The following RALYL variants were observed in gnomAD, a reference collection of about 807,000 sequenced individuals.
RALYL encodes RNA-binding Raly-like protein.
A neutral mutation model predicts 35.1 loss-of-function variants in RALYL; 29 were observed. The ratio of observed to expected loss-of-function variants is 0.83; its 90% CI spans 0.61 to 1.13. The LOEUF (loss-of-function observed/expected upper bound fraction) is 1.13, where lower values mean the gene tolerates loss of function less well. Among genes scored for constraint, RALYL ranks in the 50% most tolerant of loss-of-function variants. The pLI is 0.00. For synonymous variants in RALYL, 120 were observed against 127.6 expected, an observed-to-expected ratio of 0.94 and a Z score of 0.40; for missense variants, 359 against 360.4, an observed-to-expected ratio of 1.00 and a Z score of 0.03.
At chr8:84,899,402 T>C (rs1845293936) in intron 8 of RALYL, among the ~76,000 whole-genome samples, 1 of 152,176 alleles carries the variant, frequency 6.6e-6, no homozygotes, top group Admixed American at 6.5e-5. Context: ...TTAGCATATG[T>C]TAATGTTCAT....
chr8:84,230,755 A>C (rs184971568), intron 1 of RALYL, among the ~76,000 whole-genome samples: 342 of 152,218 alleles, frequency 2.2e-3, no homozygotes, highest in African/African-American at 8.1e-3. Context: ...ACATTTTCTC[A>C]CTTAATTCTA....
chr8:84,292,208 A>G (rs1838894447), intron 1 of RALYL, among the ~76,000 whole-genome samples: 1 of 152,178 alleles, frequency 6.6e-6, no homozygotes, highest in Admixed American at 6.6e-5. Flanking sequence ...TTATCATAAA[A>G]GGTGAGGAGG....
intron 1 of RALYL, among the ~76,000 whole-genome samples, chr8:84,478,605 G>A (rs956129325): frequency 6.6e-6 from 1 of 152,000 alleles, no homozygotes; most frequent in Non-Finnish European, 1.5e-5. Context: ...GAATTCCTGG[G>A]TATCGATACT....
chr8:84,677,786 C>A (rs748710517), intron 2 of RALYL, among the ~76,000 whole-genome samples: 3 of 152,132 alleles, frequency 2.0e-5, no homozygotes, highest in Non-Finnish European at 2.9e-5. Context: ...CGTGAAATGA[C>A]TTTTTTTATG....
chr8:84,195,572 A>G (rs1317932531), intron 1 of RALYL, among the ~76,000 whole-genome samples: 1 of 152,260 alleles, frequency 6.6e-6, no homozygotes, highest in East Asian at 1.9e-4. Context: ...TAAGAAAAGT[A>G]AAGATGATTG....
At chr8:84,688,229 T>C (rs1837242067) in intron 2 of RALYL, among the ~76,000 whole-genome samples, 1 of 152,078 alleles carries the variant, frequency 6.6e-6, no homozygotes, top group Admixed American at 6.6e-5. Context: ...ATAGAATTTA[T>C]TTGGAAGAGG....
At chr8:84,915,795 A>T (rs1180019110) in intron 8 of RALYL, among the ~76,000 whole-genome samples, 1 of 152,102 alleles carries the variant, frequency 6.6e-6, no homozygotes, top group Non-Finnish European at 1.5e-5. Context: ...AAACTAAAAA[A>T]ATTATTCCTG....
At chr8:84,305,999 C>T (rs1034012714) in intron 1 of RALYL, among the ~76,000 whole-genome samples, 2 of 152,006 alleles carry the variant, frequency 1.3e-5, no homozygotes, top group African/African-American at 4.8e-5. Flanking sequence ...CCCATCTCTA[C>T]TAAAAATACA....
intron 3 of RALYL, among the ~76,000 whole-genome samples, chr8:84,775,052 C>T (rs1295986452): frequency 2.0e-5 from 3 of 152,116 alleles, no homozygotes; most frequent in African/African-American, 7.2e-5. Context: ...CAGGTTCAAG[C>T]GATTCTCCTG....
In RALYL at chr8:84,568,971, C is replaced by T. The variant is rs547446327; in HGVS notation, c.256+39394C>T. On this transcript the variant is annotated intron_variant, in intron 2 of 8. Coordinates refer to ENST00000521268, the MANE Select transcript of RALYL (RefSeq NM_173848.7). ...AGCCCTTTGTCAGATGAGTAGGTTG[C>T]GAAAATTTTCTCCCATTTTGTAGGT... Among the ~76,000 whole-genome samples, 1,356 of 148,282 alleles carry T rather than the reference C, an allele frequency of 9.1e-3. 18 individuals carry two copies. The highest frequency in any genetic ancestry group is 0.031 in the African/African-American group (1,250 of 40,426).
At chr8:84,203,292 T>G (rs1050602352) in intron 1 of RALYL, among the ~76,000 whole-genome samples, 2 of 151,866 alleles carry the variant, frequency 1.3e-5, no homozygotes, top group Non-Finnish European at 2.9e-5. Context: ...TTTTTTTTTT[T>G]TCTTCTCACT....
chr8:84,566,622 A>AT (rs1303539756), intron 2 of RALYL, among the ~76,000 whole-genome samples: 6 of 151,612 alleles, frequency 4.0e-5, no homozygotes, highest in East Asian at 1.9e-4. Context: ...CATAACCGTG[A>AT]TTTTTTTTAG....
chr8:84,711,941 G>A (rs941224156), intron 2 of RALYL, among the ~76,000 whole-genome samples: 2 of 152,100 alleles, frequency 1.3e-5, no homozygotes, highest in Admixed American at 6.6e-5. Flanking sequence ...CATATCTTAA[G>A]TGTTGATCTT....
intron 4 of RALYL, among the ~76,000 whole-genome samples, chr8:84,832,088 C>G (rs1831045975): frequency 6.6e-6 from 1 of 152,006 alleles, no homozygotes; most frequent in Non-Finnish European, 1.5e-5. Flanking sequence ...AAAAGCTGTC[C>G]TCTCATTTTA....
At chr8:84,495,668 T>C (rs1050105153) in intron 1 of RALYL, among the ~76,000 whole-genome samples, 1 of 152,110 alleles carries the variant, frequency 6.6e-6, no homozygotes, top group Admixed American at 6.6e-5. Context: ...TCATTTTTGT[T>C]TACCTTTACT....
At chr8:84,213,067 A>G (rs552782021) in intron 1 of RALYL, among the ~76,000 whole-genome samples, 2 of 152,302 alleles carry the variant, frequency 1.3e-5, no homozygotes, top group East Asian at 1.9e-4. Context: ...TATAGATACA[A>G]TAGATAACTG....
intron 1 of RALYL, among the ~76,000 whole-genome samples, chr8:84,281,021 A>T (rs957858966): frequency 6.6e-6 from 1 of 152,160 alleles, no homozygotes; most frequent in Non-Finnish European, 1.5e-5. Flanking sequence ...TCACCAGGAT[A>T]GATGCTTGTG....
chr8:84,405,027 G>A (rs2043318678), intron 1 of RALYL, among the ~76,000 whole-genome samples: 1 of 152,110 alleles, frequency 6.6e-6, no homozygotes, highest in Non-Finnish European at 1.5e-5. Flanking sequence ...TCAGACCACA[G>A]GGTAAGCAAA....
At chr8:84,784,494 C>G (rs945328369) in intron 3 of RALYL, among the ~76,000 whole-genome samples, 7 of 151,956 alleles carry the variant, frequency 4.6e-5, no homozygotes, top group Admixed American at 2.6e-4. Context: ...TGTATTTTTC[C>G]CTAGTCCATT....
Sources: gnomAD v4.1 joint callset for allele counts (sites outside exome capture counted in the v4.1 genomes callset) on GRCh38, gnomAD v4.1.1 for gene constraint, MANE v1.5 for transcripts, NCBI Gene and HGNC (gene_info 2026-07-23, HGNC 2026-07-21) for gene names.